The following EYA2 variants were observed in gnomAD, a reference collection of about 807,000 sequenced individuals.
EYA2 encodes the protein EYA transcriptional coactivator and phosphatase 2, also known as protein phosphatase EYA2.
EYA2 carries 31 observed loss-of-function variants against 69.2 expected under a neutral mutation model. The observed-to-expected ratio is 0.45, with a 90% CI of 0.34 to 0.60. The LOEUF is 0.60. Ranked by LOEUF, EYA2 falls within the 20% of genes least tolerant of loss-of-function variation. The probability of loss-of-function intolerance (pLI) is 0.02; values close to 1 mark genes in which losing one functional copy is unlikely to be tolerated. For synonymous variants in EYA2, 257 were observed against 279.4 expected (o/e 0.92, Z 0.80); for missense variants, 622 against 701.2 (o/e 0.89, Z 1.28).
chr20:46,913,211 G>C (rs900969229), intron 1 of EYA2, among the ~76,000 whole-genome samples: 1 of 152,202 alleles, frequency 6.6e-6, no homozygotes, highest in African/African-American at 2.4e-5. Flanking sequence ...GTACAGGCTG[G>C]CTGCAGCACA....
chr20:47,164,445 A>G (rs2034139642), intron 10 of EYA2, among the ~76,000 whole-genome samples: 1 of 152,150 alleles, frequency 6.6e-6, no homozygotes, highest in African/African-American at 2.4e-5. Context: ...TGACCCCAGG[A>G]GTGGCTCCAG....
At chr20:46,908,935 A>G (rs1431471486) in intron 1 of EYA2, among the ~76,000 whole-genome samples, 2 of 137,078 alleles carry the variant, frequency 1.5e-5, no homozygotes, top group East Asian at 4.7e-4. Flanking sequence ...AAGGATGCCA[A>G]GAGATGCTAA....
chr20:47,078,825 CAAG>C (rs1344730552), intron 7 of EYA2, among the ~76,000 whole-genome samples: 2 of 152,138 alleles, frequency 1.3e-5, no homozygotes, highest in African/African-American at 4.8e-5. Flanking sequence ...TTTAATCTCT[CAAG>C]AAGAAATTGG....
intron 2 of EYA2, among the ~76,000 whole-genome samples, chr20:46,990,649 T>A (rs6012092): frequency 6.6e-6 from 1 of 152,224 alleles, no homozygotes; most frequent in Admixed American, 6.5e-5. Context: ...TAGTTTTCAC[T>A]AGAACAATTC....
At chr20:47,047,249 G>A (rs907303704) in intron 5 of EYA2, among the ~76,000 whole-genome samples, 1 of 152,136 alleles carries the variant, frequency 6.6e-6, no homozygotes, top group Non-Finnish European at 1.5e-5. Flanking sequence ...ATGCATGAAT[G>A]AGTGCGTGGA....
At chr20:46,933,648 A>G (rs949980670) in intron 1 of EYA2, among the ~76,000 whole-genome samples, 1 of 152,206 alleles carries the variant, frequency 6.6e-6, no homozygotes, top group African/African-American at 2.4e-5. Context: ...GGAAAGCGCC[A>G]AGTCTCACTA....
rs1345021175 is a variant in EYA2 at position 47,176,790 on chromosome 20, T to G, written c.1199-3008T>G. ...TTATGAGCCCAGGATCCCAGGATCC[T>G]TCTTTCTTTTTTTTTTTTTGAGACA... On this transcript the variant is annotated intron_variant, in intron 12 of 15. Transcript: ENST00000327619. Among the ~76,000 whole-genome samples the G allele has an allele frequency of 8.7e-5, 10 of 114,690 alleles. No individual in the cohort carries two copies. The East Asian group carries it at 2.2e-3, about 25-fold the overall frequency. The allele number at this position is 114,690 out of a possible 152,430, so 75.2% of individuals were successfully genotyped here.
chr20:46,939,282 G>A (rs1986053075), intron 1 of EYA2, among the ~76,000 whole-genome samples: 1 of 152,164 alleles, frequency 6.6e-6, no homozygotes, highest in African/African-American at 2.4e-5. Flanking sequence ...CACTAGGGTT[G>A]CAGAGCTGGT....
chr20:47,079,220 A>C (rs2031630682), intron 7 of EYA2, among the ~76,000 whole-genome samples: 1 of 152,202 alleles, frequency 6.6e-6, no homozygotes, highest in Admixed American at 6.5e-5. Context: ...TGGAGACTGT[A>C]TCAGTTTCTT....
At chr20:46,960,084 C>A (rs1979379238) in intron 1 of EYA2, among the ~76,000 whole-genome samples, 1 of 152,214 alleles carries the variant, frequency 6.6e-6, no homozygotes, top group Non-Finnish European at 1.5e-5. Context: ...GAGCTCAGGG[C>A]ACCACGTCAT....
At chr20:46,917,034 T>C (rs1347049718) in intron 1 of EYA2, among the ~76,000 whole-genome samples, 1 of 152,218 alleles carries the variant, frequency 6.6e-6, no homozygotes, top group African/African-American at 2.4e-5. Flanking sequence ...TGTTAAATGA[T>C]ATAGTTTGTG....
intron 5 of EYA2, among the ~76,000 whole-genome samples, chr20:47,038,015 CA>C (rs1326069947): frequency 6.6e-6 from 1 of 152,114 alleles, no homozygotes; most frequent in East Asian, 1.9e-4. Context: ...ACAGCAGTGA[CA>C]AAACAGATAA....
chr20:47,162,517 C>CTTTTTTTTTTT (rs10634442), intron 10 of EYA2, among the ~76,000 whole-genome samples: 1 of 121,606 alleles, frequency 8.2e-6, no homozygotes. Context: ...ACACATTATC[C>CTTTTTTTTTTT]TTTTTTTTTT....
intron 5 of EYA2, among the ~76,000 whole-genome samples, chr20:47,064,442 A>G (rs912333391): frequency 2.0e-5 from 3 of 152,226 alleles, no homozygotes; most frequent in Non-Finnish European, 4.4e-5. Context: ...GCTCCTGTGA[A>G]CTTTTGCATA....
intron 5 of EYA2, among the ~76,000 whole-genome samples, chr20:47,040,783 G>A (rs1985018307): frequency 6.6e-6 from 1 of 152,192 alleles, no homozygotes. Flanking sequence ...TGTTATCACT[G>A]TAACTACACT....
At position 47,072,365 on chromosome 20, in the gene EYA2, C is replaced by G; in HGVS notation, c.483+113C>G. On this transcript the variant is annotated intron_variant, in intron 6 of 15. Coordinates refer to ENST00000327619, the MANE Select transcript of EYA2 (RefSeq NM_005244.5). ...CACAATCCCCATTGGGAACCTGCCT[C>G]TTAGTCCCTGGGTTTGGAGACTACA... The G allele has an allele frequency of 1.2e-5, 12 of 1,039,544 alleles. 1 individual carries two copies. The South Asian group carries it at 1.7e-4, about 14-fold the overall frequency. The allele number at this position is 1,039,544 out of a possible 1,614,324, so 64.4% of individuals were successfully genotyped here. A position where few individuals can be genotyped will look rare whatever the true frequency, so the allele number is the denominator to read the frequency against.
chr20:46,930,080 A>G (rs1985601559), intron 1 of EYA2, among the ~76,000 whole-genome samples: 1 of 152,236 alleles, frequency 6.6e-6, no homozygotes, highest in African/African-American at 2.4e-5. Context: ...TGACACATCA[A>G]GAAATGGCCA....
intron 12 of EYA2, among the ~76,000 whole-genome samples, chr20:47,173,277 TC>T (rs1333867334): frequency 1.3e-5 from 2 of 151,952 alleles, no homozygotes; most frequent in Non-Finnish European, 2.9e-5. Context: ...GGGCCCAGAA[TC>T]TGTGTTTTCA....
chr20:47,160,983 C>T (rs1293544988), intron 10 of EYA2: 8 of 292,850 alleles, frequency 2.7e-5, no homozygotes, highest in African/African-American at 4.5e-5. Flanking sequence ...GGTTGGGGGT[C>T]GGGTAGCTGT....
Sources: allele counts gnomAD v4.1 joint callset (sites outside exome capture counted in the v4.1 genomes callset), GRCh38; gene constraint gnomAD v4.1.1; transcripts MANE v1.5; gene names NCBI Gene and HGNC (gene_info 2026-07-23, HGNC 2026-07-21).